Variants in ARNT2 observed in about 807,000 individuals in gnomAD.
The protein encoded by ARNT2 is ARNT protein 2.
In ARNT2, 36 loss-of-function variants were observed where a neutral mutation model predicts 91.7. The ratio of observed to expected loss-of-function variants is 0.39; its 90% CI spans 0.30 to 0.52. ARNT2 has a LOEUF of 0.52. Ranked by LOEUF, ARNT2 falls within the 20% of genes least tolerant of loss-of-function variation. ARNT2 has a pLI of 0.72. For synonymous variants in ARNT2, 365 were observed against 347.1 expected (o/e 1.05, Z -0.57); for missense variants, 775 against 939.3 (o/e 0.83, Z 2.29).
chr15:80,410,756 TTATCTATC>T (rs71153533), intron 1 of ARNT2, among the ~76,000 whole-genome samples: 56,572 of 143,664 alleles, frequency 0.39, 11,365 homozygotes, highest in African/African-American at 0.44. Flanking sequence ...CCATTCATTT[TTATCTATC>T]TATCTATCTA....
At chr15:80,522,873 T>C (rs961902215) in intron 8 of ARNT2, among the ~76,000 whole-genome samples, 4 of 150,004 alleles carry the variant, frequency 2.7e-5, no homozygotes, top group Non-Finnish European at 5.9e-5. Context: ...TAGACCATAA[T>C]GCACAGAAAT....
chr15:80,560,942 G>A lies in ARNT2; in HGVS notation c.1165-2146G>A, dbSNP rs529790364. Among the ~76,000 whole-genome samples the A allele has an allele frequency of 1.1e-4, 16 of 152,274 alleles. No homozygotes were observed. In the South Asian group the frequency reaches 1.9e-3, roughly 18 times the overall value. On this transcript the variant is annotated intron_variant, in intron 11 of 18. Coordinates refer to ENST00000303329, the MANE Select transcript of ARNT2 (RefSeq NM_014862.4). ...CACCAGGGAGCCTTATCTGACATCC[G>A]CAGGCTCAGATCTTGTCTGGCTTCC...
intron 8 of ARNT2, among the ~76,000 whole-genome samples, chr15:80,516,522 TTCTC>T (rs1359306543): frequency 6.6e-6 from 1 of 152,120 alleles, no homozygotes; most frequent in Non-Finnish European, 1.5e-5. Flanking sequence ...TGGTATATCT[TTCTC>T]TATCCTTTTA....
At chr15:80,518,277 CTTTTTTT>C (rs56726705) in intron 8 of ARNT2, among the ~76,000 whole-genome samples, 1 of 89,352 alleles carries the variant, frequency 1.1e-5, no homozygotes, top group African/African-American at 4.6e-5. Flanking sequence ...TTTTTCTATT[CTTTTTTT>C]TTTTTTTTTT....
chr15:80,567,876 A>G (rs768545229), intron 12 of ARNT2, among the ~76,000 whole-genome samples: 1 of 152,162 alleles, frequency 6.6e-6, no homozygotes, highest in Non-Finnish European at 1.5e-5. Flanking sequence ...AGGGATGTGA[A>G]CTGGCCAGCT....
chr15:80,479,012 G>T (rs1426886811), intron 5 of ARNT2, among the ~76,000 whole-genome samples: 1 of 152,226 alleles, frequency 6.6e-6, no homozygotes, highest in African/African-American at 2.4e-5. Flanking sequence ...GCCTGCTGGA[G>T]TGGAGGTGGC....
intron 2 of ARNT2, among the ~76,000 whole-genome samples, chr15:80,457,481 G>A (rs571035648): frequency 1.2e-4 from 18 of 152,218 alleles, no homozygotes; most frequent in Middle Eastern, 3.4e-3. Flanking sequence ...TCAAAATCCC[G>A]TGAGCCTTTT....
At chr15:80,483,473 G>A (rs1036375417) in intron 5 of ARNT2, among the ~76,000 whole-genome samples, 20 of 151,752 alleles carry the variant, frequency 1.3e-4, no homozygotes, top group African/African-American at 4.8e-4. Flanking sequence ...TAGCTCTGGG[G>A]GTTTGCTGTC....
intron 1 of ARNT2, among the ~76,000 whole-genome samples, chr15:80,438,982 TC>T (rs747316341): frequency 6.6e-4 from 100 of 152,236 alleles, no homozygotes; most frequent in Non-Finnish European, 1.3e-3. Flanking sequence ...TATTATTTCC[TC>T]ACTTCCTATT....
At position 80,576,959 on chromosome 15, in the gene ARNT2, C is replaced by A. The variant is rs775840872; in HGVS notation, c.1607C>A (p.Ala536Asp). The change falls in exon 15 of 19, where the codon GCC becomes GAC. Residue 536 changes from alanine (A) to aspartate (D), a missense_variant. Ala to Asp is a moderately radical substitution (Grantham distance 126). Coordinates refer to ENST00000303329, the MANE Select transcript of ARNT2 (RefSeq NM_014862.4). ...TTTCCCTCTGGACACTCCGGGAAGG[C>A]CTTCAGGTATGTGCCAGCGAGGGGG... ...SPFPSGHSGK[A>D]FSSSVVHVPG... The A allele has an allele frequency of 6.2e-7, 1 of 1,613,998 alleles. No individual in the cohort carries two copies. The highest frequency in any genetic ancestry group is 1.7e-5 in the Admixed American group (1 of 60,022).
At chr15:80,446,987 A>C (rs1289189618) in intron 1 of ARNT2, among the ~76,000 whole-genome samples, 2 of 152,230 alleles carry the variant, frequency 1.3e-5, no homozygotes, top group Non-Finnish European at 2.9e-5. Context: ...TCATTAAATT[A>C]ACACATGCAT....
At chr15:80,542,536 A>T (rs1339830921) in intron 8 of ARNT2, among the ~76,000 whole-genome samples, 2 of 152,210 alleles carry the variant, frequency 1.3e-5, no homozygotes, top group African/African-American at 2.4e-5. Flanking sequence ...GAAGTCACAT[A>T]GTGTCACTTC....
At chr15:80,563,795 C>T (rs1898417311) in intron 12 of ARNT2, among the ~76,000 whole-genome samples, 2 of 152,218 alleles carry the variant, frequency 1.3e-5, no homozygotes, top group African/African-American at 4.8e-5. Flanking sequence ...AATCACCACT[C>T]CTGTGTTCCA....
chr15:80,459,042 G>A (rs79825523), intron 3 of ARNT2, among the ~76,000 whole-genome samples: 8,759 of 152,178 alleles, frequency 0.058, 332 homozygotes, highest in South Asian at 0.11. Flanking sequence ...ACTGCATTGC[G>A]ATTGTGAGTT....
At chr15:80,561,034 G>T (rs1017892925) in intron 11 of ARNT2, among the ~76,000 whole-genome samples, 1 of 152,218 alleles carries the variant, frequency 6.6e-6, no homozygotes, top group Non-Finnish European at 1.5e-5. Context: ...TTGAGTCCCT[G>T]CGGGAAGTGT....
At chr15:80,447,141 A>AAC (rs141530902) in intron 1 of ARNT2, among the ~76,000 whole-genome samples, 28,306 of 150,092 alleles carry the variant, frequency 0.19, 2,753 homozygotes, top group African/African-American at 0.25. Context: ...CTGTGCATAT[A>AAC]ACACACACAC....
chr15:80,518,128 G>C (rs977744426), intron 8 of ARNT2, among the ~76,000 whole-genome samples: 2 of 151,508 alleles, frequency 1.3e-5, no homozygotes, highest in Non-Finnish European at 2.9e-5. Context: ...TTTGGTGTGG[G>C]GTTTTATATT....
intron 11 of ARNT2, among the ~76,000 whole-genome samples, chr15:80,557,686 G>T (rs1309348166): frequency 6.6e-6 from 1 of 151,882 alleles, no homozygotes; most frequent in Non-Finnish European, 1.5e-5. Flanking sequence ...CCACCTGTTT[G>T]CCCAGGCCAG....
intron 5 of ARNT2, among the ~76,000 whole-genome samples, chr15:80,481,917 G>A (rs535861786): frequency 1.3e-5 from 2 of 151,848 alleles, no homozygotes; most frequent in African/African-American, 4.8e-5. Context: ...AATTTTTTTT[G>A]TAGAGACAAG....
Sources: gnomAD v4.1 joint callset for allele counts (sites outside exome capture counted in the v4.1 genomes callset) on GRCh38, gnomAD v4.1.1 for gene constraint, MANE v1.5 for transcripts, NCBI Gene and HGNC (gene_info 2026-07-23, HGNC 2026-07-21) for gene names.